SPOCK3: variants seen among roughly 807,000 people sequenced by gnomAD.
The protein encoded by SPOCK3 is SPARC (osteonectin), cwcv and kazal like domains proteoglycan 3, also known as testican-3.
In SPOCK3, 30 loss-of-function variants were observed where a neutral mutation model predicts 56.6. That is an observed-to-expected ratio of 0.53 (90% CI 0.40 to 0.72). SPOCK3 has a LOEUF of 0.72. Among genes scored for constraint, SPOCK3 ranks in the 30% least tolerant of loss-of-function variants. The pLI is 0.00. For synonymous variants in SPOCK3, 196 were observed against 183.3 expected (o/e 1.07, Z -0.56); for missense variants, 527 against 530.0 (o/e 0.99, Z 0.06).
At chr4:166,958,631 T>C (rs1457362623) in intron 4 of SPOCK3, among the ~76,000 whole-genome samples, 1 of 152,198 alleles carries the variant, frequency 6.6e-6, no homozygotes, top group South Asian at 2.1e-4. Flanking sequence ...GATAAAGTTA[T>C]ATGGAGAATA....
intron 4 of SPOCK3, among the ~76,000 whole-genome samples, chr4:166,949,047 T>C (rs1199314976): frequency 6.6e-6 from 1 of 152,176 alleles, no homozygotes; most frequent in Non-Finnish European, 1.5e-5. Context: ...CGTTTCTTTT[T>C]ATTCTTTTTT....
At chr4:166,830,480 T>TA (rs1457792193) in intron 6 of SPOCK3, among the ~76,000 whole-genome samples, 5 of 152,302 alleles carry the variant, frequency 3.3e-5, no homozygotes, top group Admixed American at 6.5e-5. Flanking sequence ...GCGCAGTGTT[T>TA]ACTCCTGAAA....
intron 2 of SPOCK3, among the ~76,000 whole-genome samples, chr4:167,192,506 G>A (rs779787430): frequency 2.1e-5 from 3 of 144,988 alleles, no homozygotes; most frequent in Non-Finnish European, 4.5e-5. Flanking sequence ...TTCTTAATTC[G>A]TTGTTGGTAG....
intron 7 of SPOCK3, among the ~76,000 whole-genome samples, chr4:166,782,559 A>G (rs1225862830): frequency 6.6e-6 from 1 of 152,196 alleles, no homozygotes; most frequent in Admixed American, 6.6e-5. Flanking sequence ...GGGCCATAAA[A>G]CAGACCTCAA....
chr4:166,924,688 G>A (rs1439884371), intron 4 of SPOCK3, among the ~76,000 whole-genome samples: 1 of 152,210 alleles, frequency 6.6e-6, no homozygotes, highest in Non-Finnish European at 1.5e-5. Context: ...CACATGGCTG[G>A]TAAGTGGAAT....
intron 2 of SPOCK3, among the ~76,000 whole-genome samples, chr4:167,067,149 TACTCAGGC>T (rs1756234114): frequency 6.6e-6 from 1 of 151,806 alleles, no homozygotes; most frequent in Non-Finnish European, 1.5e-5. Flanking sequence ...AAAAGAGTAA[TACTCAGGC>T]ATTATGTTAG....
intron 9 of SPOCK3, among the ~76,000 whole-genome samples, chr4:166,740,494 TTA>T (rs1406908519): frequency 2.9e-5 from 1 of 33,968 alleles, no homozygotes; most frequent in Non-Finnish European, 5.0e-5. Context: ...ATATAAGAAC[TTA>T]TTATTATTAT....
rs375607979 is a variant in SPOCK3, at chr4:167,060,487, T to C, written c.235+2005A>G. 3.3e-5 allele frequency among the ~76,000 whole-genome samples: 5 copies of C among 152,118 alleles called. No individual in the cohort carries two copies. The East Asian group carries it at 5.8e-4, about 18-fold the overall frequency. Reference sequence around the variant, plus strand: ...GTGGTCTACAACTAGGTTGGTCAATTTGACTCAAAGCGAAAAACAAATACA... The same window carrying C: ...GTGGTCTACAACTAGGTTGGTCAATCTGACTCAAAGCGAAAAACAAATACA... On this transcript the variant is annotated intron_variant, in intron 3 of 10. Transcript: ENST00000357545.
intron 2 of SPOCK3, among the ~76,000 whole-genome samples, chr4:167,222,746 CAT>C (rs1315335242): frequency 8.1e-6 from 1 of 123,230 alleles, no homozygotes; most frequent in African/African-American, 3.2e-5. Context: ...AATATATAAA[CAT>C]AGATATATAT....
intron 2 of SPOCK3, among the ~76,000 whole-genome samples, chr4:167,071,177 A>T (rs10050157): frequency 1 from 152,059 of 152,140 alleles, 75,989 homozygotes; most frequent in Non-Finnish European, 1. Context: ...GCAAAACTTA[A>T]AATTCATTTA....
At chr4:167,122,017 A>C (rs1761902246) in intron 2 of SPOCK3, among the ~76,000 whole-genome samples, 3 of 151,844 alleles carry the variant, frequency 2.0e-5, no homozygotes, top group Admixed American at 2.0e-4. Context: ...TTTTTCATTA[A>C]TAACCTTCCC....
At chr4:167,200,873 T>C (rs1191191510) in intron 2 of SPOCK3, among the ~76,000 whole-genome samples, 2 of 152,092 alleles carry the variant, frequency 1.3e-5, no homozygotes, top group Non-Finnish European at 2.9e-5. Flanking sequence ...CCTTTTGGTA[T>C]GGCATTCTTT....
chr4:166,845,989 A>T (rs1748020274), intron 6 of SPOCK3, among the ~76,000 whole-genome samples: 1 of 152,144 alleles, frequency 6.6e-6, no homozygotes, highest in African/African-American at 2.4e-5. Context: ...CCTGTACTGA[A>T]TAGTGTAGGC....
intron 2 of SPOCK3, among the ~76,000 whole-genome samples, chr4:167,134,195 GT>G (rs113087824): frequency 2.7e-5 from 4 of 149,736 alleles, no homozygotes; most frequent in Middle Eastern, 6.8e-3. Flanking sequence ...AGCCTGGCTA[GT>G]TTTTTTTTGT....
At chr4:166,838,853 CT>C (rs1485332511) in intron 6 of SPOCK3, among the ~76,000 whole-genome samples, 1 of 149,486 alleles carries the variant, frequency 6.7e-6, no homozygotes, top group Non-Finnish European at 1.5e-5. Context: ...ATCCAGCTAC[CT>C]GGGAGGCTGA....
intron 6 of SPOCK3, among the ~76,000 whole-genome samples, chr4:166,799,687 G>A (rs1456134246): frequency 6.7e-6 from 1 of 149,032 alleles, no homozygotes; most frequent in Non-Finnish European, 1.5e-5. Context: ...GCGTGTAGAT[G>A]AGGATGACAC....
rs567970271 is a variant in SPOCK3 at position 167,049,651 on chromosome 4, T to A, written c.235+12841A>T. ...AATCTAGATATTAAGTGATATATTA[T>A]CAGATGAATGCTAAATCTATCTAAA... On this transcript the variant is annotated intron_variant, in intron 3 of 10. Coordinates refer to ENST00000357545, the MANE Select transcript of SPOCK3 (RefSeq NM_001040159.2). 2.0e-5 allele frequency among the ~76,000 whole-genome samples: 3 copies of A among 152,290 alleles called. No homozygotes were observed. The South Asian group carries it at 6.2e-4, about 32-fold the overall frequency.
chr4:166,770,057 A>G (rs1329443412), intron 7 of SPOCK3, among the ~76,000 whole-genome samples: 1 of 152,054 alleles, frequency 6.6e-6, no homozygotes, highest in Non-Finnish European at 1.5e-5. Flanking sequence ...TTAGGGTGAG[A>G]GTGACTCGAT....
Position 167,199,225 on chromosome 4 carries a change from T to TTGTGTGTGTGTG in SPOCK3, c.189+34748_189+34759dup, listed in dbSNP as rs58765976. ...GATCCTCAATATGCTAAATATTTGT[T>TTGTGTGTGTGTG]TGTGTGTGTGTGTGTGTGTGTGTGT... On this transcript the variant is annotated intron_variant, in intron 2 of 10. Transcript: ENST00000357545. Among the ~76,000 whole-genome samples, 39 of 142,062 alleles carry TTGTGTGTGTGTG rather than the reference T, an allele frequency of 2.7e-4. 1 individual carries two copies. Among genetic ancestry groups the TTGTGTGTGTGTG allele is most frequent in the African/African-American group, 9.2e-4 (36 of 39,152 alleles). 93.2% of individuals were successfully genotyped at this position (142,062 alleles called of 152,430 possible).
Sources: gnomAD v4.1 joint callset for allele counts (sites outside exome capture counted in the v4.1 genomes callset) on GRCh38, gnomAD v4.1.1 for gene constraint, MANE v1.5 for transcripts, NCBI Gene and HGNC (gene_info 2026-07-23, HGNC 2026-07-21) for gene names.